Variants in ACSS3 observed in about 807,000 individuals in gnomAD.
ACSS3 encodes the protein acyl-CoA synthetase short-chain family member 3, mitochondrial.
Under a neutral mutation model 84.2 loss-of-function variants are expected in ACSS3, and 64 were observed. The observed-to-expected ratio is 0.76, with a 90% CI of 0.62 to 0.94. ACSS3 has a LOEUF of 0.94. ACSS3 is among the 40% of genes least tolerant of loss of function. The pLI is 0.00. For missense variants in ACSS3, 815 were observed against 867.6 expected (o/e 0.94, Z 0.76); for synonymous variants, 317 against 310.1 (o/e 1.02, Z -0.23).
At chr12:81,216,130 T>TA (rs1288429634) in intron 9 of ACSS3, among the ~76,000 whole-genome samples, 13 of 148,950 alleles carry the variant, frequency 8.7e-5, no homozygotes, top group African/African-American at 3.3e-4. Context: ...ATATTATATA[T>TA]TTTTTTAATT....
At chr12:81,172,297 C>T (rs906711696) in intron 7 of ACSS3, among the ~76,000 whole-genome samples, 4 of 142,674 alleles carry the variant, frequency 2.8e-5, no homozygotes, top group Non-Finnish European at 6.1e-5. Context: ...GATCCATGCC[C>T]TTTTTTTTAG....
intron 1 of ACSS3, among the ~76,000 whole-genome samples, chr12:81,103,773 G>C (rs947724261): frequency 3.9e-5 from 6 of 152,002 alleles, no homozygotes; most frequent in African/African-American, 1.4e-4. Context: ...CTACTCTAAA[G>C]TTGCCAACAA....
At chr12:81,083,562 A>C (rs1191846845) in intron 1 of ACSS3, among the ~76,000 whole-genome samples, 2 of 151,558 alleles carry the variant, frequency 1.3e-5, no homozygotes, top group Non-Finnish European at 2.9e-5. Context: ...GGGTTTCACC[A>C]TGTTGGCCAG....
chr12:81,102,946 T>C (rs1315152722), intron 1 of ACSS3, among the ~76,000 whole-genome samples: 1 of 152,212 alleles, frequency 6.6e-6, no homozygotes. Flanking sequence ...GAAAACAATT[T>C]GATTATTCAA....
intron 1 of ACSS3, among the ~76,000 whole-genome samples, chr12:81,100,941 A>G (rs1011150174): frequency 2.0e-5 from 3 of 152,214 alleles, no homozygotes; most frequent in Admixed American, 6.5e-5. Context: ...TGAAAGTGCA[A>G]TCTTACAAAT....
At chr12:81,186,169 A>C (rs2031241388) in intron 8 of ACSS3, among the ~76,000 whole-genome samples, 1 of 151,820 alleles carries the variant, frequency 6.6e-6, no homozygotes, top group African/African-American at 2.4e-5. Context: ...TAAAAGAAGG[A>C]AATTGGATCC....
At chr12:81,233,610 C>T (rs2033535963) in intron 13 of ACSS3, 139 bp downstream of exon 13, 1 of 1,044,734 alleles carries the variant, frequency 9.6e-7, no homozygotes, top group Admixed American at 2.5e-5. Context: ...TTACATCTCT[C>T]CCACCTCACT....
intron 8 of ACSS3, among the ~76,000 whole-genome samples, chr12:81,186,899 T>C (rs74726424): frequency 0.017 from 2,637 of 151,910 alleles, 71 homozygotes; most frequent in East Asian, 0.09. Flanking sequence ...CATGAACATA[T>C]TTGCATTCCC....
At chr12:81,199,310 G>A (rs2031991268) in intron 8 of ACSS3, 31 bp from the exon 9 acceptor site, 3 of 1,551,952 alleles carry the variant, frequency 1.9e-6, no homozygotes, top group Non-Finnish European at 2.6e-6. Flanking sequence ...TATTTTCCAG[G>A]AATAATTTGA....
intron 7 of ACSS3, among the ~76,000 whole-genome samples, chr12:81,163,606 A>C (rs2135789470): frequency 6.6e-6 from 1 of 152,330 alleles, no homozygotes; most frequent in Admixed American, 6.5e-5. Flanking sequence ...TTCCAGAAGA[A>C]GTCATTATTG....
intron 8 of ACSS3, among the ~76,000 whole-genome samples, chr12:81,180,795 A>G (rs1338713604): frequency 6.6e-6 from 1 of 152,132 alleles, no homozygotes; most frequent in Non-Finnish European, 1.5e-5. Flanking sequence ...GGATTACAAG[A>G]ATGAGCCACT....
chr12:81,198,579 G>A (rs911343026), intron 8 of ACSS3, among the ~76,000 whole-genome samples: 2 of 150,582 alleles, frequency 1.3e-5, no homozygotes, highest in Non-Finnish European at 3.0e-5. Flanking sequence ...CAGGTCCTGA[G>A]GGCATTTGAA....
At chr12:81,165,559 C>A (rs2079222) in intron 7 of ACSS3, among the ~76,000 whole-genome samples, 1 of 151,718 alleles carries the variant, frequency 6.6e-6, no homozygotes, top group Non-Finnish European at 1.5e-5. Flanking sequence ...GGCAGGAGAA[C>A]GGTGTGAACC....
At position 81,259,975 on chromosome 12, in the gene ACSS3, T is replaced by G. The variant is rs1477443402; in HGVS notation, c.*5053T>G. 1 of 227,086 alleles carries G rather than the reference T, an allele frequency of 4.4e-6. No homozygotes were observed. The highest frequency in any genetic ancestry group is 8.5e-6 in the Non-Finnish European group (1 of 117,006). 14.1% of individuals were successfully genotyped at this position (227,086 alleles called of 1,614,324 possible). A position where few individuals can be genotyped will look rare whatever the true frequency, so the allele number is the denominator to read the frequency against. ...AATTTACAACTTGCTAATTAATAAA[T>G]TGGGTTGAATTGACCTATTTCATAA... On this transcript the variant is annotated 3_prime_UTR_variant, in exon 16 of 16. Transcript: ENST00000548058.
At chr12:81,231,522 C>A (rs1010725339) in intron 12 of ACSS3, among the ~76,000 whole-genome samples, 1 of 151,768 alleles carries the variant, frequency 6.6e-6, no homozygotes, top group Non-Finnish European at 1.5e-5. Flanking sequence ...CCATTAGGAC[C>A]CTTTAACCTC....
intron 1 of ACSS3, among the ~76,000 whole-genome samples, chr12:81,079,263 C>G (rs1393125843): frequency 6.6e-6 from 1 of 152,128 alleles, no homozygotes; most frequent in Admixed American, 6.5e-5. Flanking sequence ...GAATAAATAT[C>G]AAGCTTGCTA....
At chr12:81,176,948 C>T (rs1375796966) in intron 8 of ACSS3, among the ~76,000 whole-genome samples, 1 of 152,094 alleles carries the variant, frequency 6.6e-6, no homozygotes, top group African/African-American at 2.4e-5. Flanking sequence ...ACGAGCAGCA[C>T]ATCAAAAAGC....
chr12:81,221,910 A>T (rs2033122264), intron 11 of ACSS3, among the ~76,000 whole-genome samples: 1 of 152,062 alleles, frequency 6.6e-6, no homozygotes, highest in South Asian at 2.1e-4. Flanking sequence ...ATAAAACAAG[A>T]TCTCAGAGGT....
rs957160345 is a variant in ACSS3 at position 81,199,478 on chromosome 12, A to G, written c.1354+34A>G. The G allele has an allele frequency of 1.1e-5, 18 of 1,586,070 alleles. 1 individual carries two copies. In the East Asian group the frequency reaches 4.0e-4, roughly 36 times the overall value. ...TTTCCTAGCATGTACATAAATAGTA[A>G]AGAAATGTTCCAAAAAGCTGCAAGG... On this transcript the variant is annotated intron_variant, in intron 9 of 15. Coordinates refer to ENST00000548058, the MANE Select transcript of ACSS3 (RefSeq NM_024560.4).
Sources: allele counts gnomAD v4.1 joint callset (sites outside exome capture counted in the v4.1 genomes callset), GRCh38; gene constraint gnomAD v4.1.1; transcripts MANE v1.5; gene names NCBI Gene and HGNC (gene_info 2026-07-23, HGNC 2026-07-21).